Variants in PTPRD observed in about 807,000 individuals in gnomAD.
PTPRD encodes protein tyrosine phosphatase receptor type D, also known as receptor-type tyrosine-protein phosphatase delta.
In PTPRD, 34 loss-of-function variants were observed where a neutral mutation model predicts 214.5. The ratio of observed to expected loss-of-function variants is 0.16; its 90% CI spans 0.12 to 0.21. PTPRD has a LOEUF of 0.21. Among genes scored for constraint, PTPRD ranks in the 10% least tolerant of loss-of-function variants. PTPRD has a pLI of 1.00. For missense variants in PTPRD, 2,545 were observed against 2,398.7 expected, an observed-to-expected ratio of 1.06 and a Z score of -1.27; for synonymous variants, 1,128 against 845.7, an observed-to-expected ratio of 1.33 and a Z score of -5.79.
intron 12 of PTPRD, among the ~76,000 whole-genome samples, chr9:8,682,104 T>C (rs928773583): frequency 6.6e-6 from 1 of 152,168 alleles, no homozygotes; most frequent in Non-Finnish European, 1.5e-5. Context: ...AATAGCGATA[T>C]AGACACCTTT....
intron 10 of PTPRD, among the ~76,000 whole-genome samples, chr9:9,054,753 C>T (rs1022856159): frequency 2.0e-5 from 3 of 151,932 alleles, no homozygotes; most frequent in African/African-American, 7.3e-5. Context: ...TTTGGTAACT[C>T]GAAGGCAAAC....
chr9:9,537,007 C>A (rs145322215), intron 8 of PTPRD, among the ~76,000 whole-genome samples: 22 of 151,952 alleles, frequency 1.4e-4, no homozygotes, highest in South Asian at 6.2e-4. Context: ...TATGGTTCAA[C>A]AAAAGTTTTA....
chr9:9,701,025 CT>C (rs1283917401), intron 7 of PTPRD, among the ~76,000 whole-genome samples: 3 of 150,562 alleles, frequency 2.0e-5, no homozygotes, highest in African/African-American at 7.4e-5. Context: ...TTTCTAAACA[CT>C]TCATCCTGAG....
intron 3 of PTPRD, among the ~76,000 whole-genome samples, chr9:10,233,092 G>T (rs2099617265): frequency 1.3e-5 from 2 of 152,006 alleles, no homozygotes; most frequent in Non-Finnish European, 2.9e-5. Context: ...ATGGTGTTGT[G>T]TATTAAATTA....
rs1270606306 is a variant in PTPRD at position 9,423,720 on chromosome 9, A to C, written c.-236-26238T>G. 2.0e-5 allele frequency among the ~76,000 whole-genome samples: 3 copies of C among 152,182 alleles called. 1 individual carries two copies. In the South Asian group the frequency reaches 6.2e-4, roughly 32 times the overall value. On this transcript the variant is annotated intron_variant, in intron 8 of 45. Transcript: ENST00000381196. ...AAACAAAAATTCTAAAATGCAAAAA[A>C]CTGCAGTAACTATAATTAAGAACCC...
At chr9:9,759,015 AG>A (rs1333109268) in intron 6 of PTPRD, among the ~76,000 whole-genome samples, 5 of 152,190 alleles carry the variant, frequency 3.3e-5, no homozygotes. Flanking sequence ...TGGTGTTTAA[AG>A]AAAAAAAGTT....
intron 2 of PTPRD, among the ~76,000 whole-genome samples, chr9:10,382,618 G>C (rs1024455512): frequency 1.3e-5 from 2 of 151,802 alleles, no homozygotes; most frequent in African/African-American, 4.8e-5. Flanking sequence ...AACAATGTTT[G>C]CTTAAAATAA....
chr9:9,424,287 A>T (rs1282766561), intron 8 of PTPRD, among the ~76,000 whole-genome samples: 1 of 152,160 alleles, frequency 6.6e-6, no homozygotes, highest in Non-Finnish European at 1.5e-5. Context: ...CCAAATTCTT[A>T]TCTCAGAGTC....
intron 9 of PTPRD, among the ~76,000 whole-genome samples, chr9:9,273,926 A>G (rs1943957966): frequency 6.6e-6 from 1 of 151,260 alleles, no homozygotes; most frequent in Non-Finnish European, 1.5e-5. Context: ...AATTTCATAG[A>G]CTTCAATATG....
chr9:10,108,617 T>C (rs896431524), intron 3 of PTPRD, among the ~76,000 whole-genome samples: 7 of 152,086 alleles, frequency 4.6e-5, no homozygotes, highest in Admixed American at 3.9e-4. Flanking sequence ...CTGCTGGGTA[T>C]TTATCCAAAA....
intron 9 of PTPRD, among the ~76,000 whole-genome samples, chr9:9,317,643 T>C (rs1030862496): frequency 1.3e-5 from 2 of 152,100 alleles, no homozygotes; most frequent in Non-Finnish European, 1.5e-5. Context: ...GATGCTGATG[T>C]TATATTTTGA....
At chr9:9,711,261 G>A (rs537525525) in intron 7 of PTPRD, among the ~76,000 whole-genome samples, 11 of 152,188 alleles carry the variant, frequency 7.2e-5, no homozygotes, top group African/African-American at 2.6e-4. Flanking sequence ...TATGCCATAG[G>A]AACTGTATTC....
At chr9:8,519,174 A>G (rs1393287760) in intron 20 of PTPRD, among the ~76,000 whole-genome samples, 1 of 152,188 alleles carries the variant, frequency 6.6e-6, no homozygotes, top group African/African-American at 2.4e-5. Context: ...AAGTAAATTA[A>G]GGCACATTCA....
intron 2 of PTPRD, among the ~76,000 whole-genome samples, chr9:10,446,837 A>G (rs954254780): frequency 6.6e-6 from 1 of 152,162 alleles, no homozygotes; most frequent in African/African-American, 2.4e-5. Flanking sequence ...AAGAAATGCA[A>G]AAAGGTTTTC....
intron 6 of PTPRD, among the ~76,000 whole-genome samples, chr9:9,738,954 G>T (rs964834789): frequency 6.6e-6 from 1 of 151,980 alleles, no homozygotes; most frequent in Non-Finnish European, 1.5e-5. Context: ...TATGTTACCA[G>T]ACATGGTATT....
chr9:10,177,249 G>A (rs945841644), intron 3 of PTPRD, among the ~76,000 whole-genome samples: 14 of 151,844 alleles, frequency 9.2e-5, no homozygotes, highest in African/African-American at 3.4e-4. Flanking sequence ...AGGAGCCAAT[G>A]TTGAAAGAGA....
rs1555347109 is a variant in PTPRD, at chr9:10,438,008, C to CATATATATTATATATAT, written c.-599-96992_-599-96991insATATATATAATATATAT. On this transcript the variant is annotated intron_variant, in intron 2 of 45. Transcript: ENST00000381196. ...CTGGACTATCAGCTCCCTAAGTCTACATATATATATATATATATATAGTGA... is the reference window on the plus strand; with the variant it reads ...CTGGACTATCAGCTCCCTAAGTCTACATATATATTATATATATATATATATATATATATATATAGTGA... Among the ~76,000 whole-genome samples the CATATATATTATATATAT allele has an allele frequency of 3.8e-4, 48 of 125,150 alleles. 4 individuals are homozygous for CATATATATTATATATAT. The highest frequency in any genetic ancestry group is 1.8e-3 in the African/African-American group (48 of 25,996). The allele number at this position is 125,150 out of a possible 152,430, so 82.1% of individuals were successfully genotyped here.
chr9:10,519,843 TTAAC>T (rs754613914), intron 2 of PTPRD, among the ~76,000 whole-genome samples: 10 of 152,198 alleles, frequency 6.6e-5, no homozygotes, highest in Middle Eastern at 3.4e-3. Flanking sequence ...GTAAACTTGA[TTAAC>T]TAATGTTATG....
At chr9:10,185,550 T>C (rs1356794083) in intron 3 of PTPRD, among the ~76,000 whole-genome samples, 1 of 152,176 alleles carries the variant, frequency 6.6e-6, no homozygotes, top group African/African-American at 2.4e-5. Context: ...GTTATCTGCG[T>C]TTTACAAACA....
Sources: allele counts gnomAD v4.1 joint callset (sites outside exome capture counted in the v4.1 genomes callset), GRCh38; gene constraint gnomAD v4.1.1; transcripts MANE v1.5; gene names NCBI Gene and HGNC (gene_info 2026-07-23, HGNC 2026-07-21).